Variants in IL2RA observed in about 807,000 individuals in gnomAD.
The protein encoded by IL2RA is interleukin-2 receptor subunit alpha.
Under a neutral mutation model 37.8 loss-of-function variants are expected in IL2RA, and 24 were observed. That is an observed-to-expected ratio of 0.63 (90% CI 0.46 to 0.89). The LOEUF (loss-of-function observed/expected upper bound fraction) is 0.89. Among genes scored for constraint, IL2RA ranks in the 40% least tolerant of loss-of-function variants. The probability of loss-of-function intolerance (pLI) is 0.00; values close to 1 mark genes in which losing one functional copy is unlikely to be tolerated. For synonymous variants in IL2RA, 125 were observed against 114.6 expected (o/e 1.09, Z -0.58); for missense variants, 319 against 348.6 (o/e 0.92, Z 0.68).
Position 6,019,909 on chromosome 10 carries a change from G to A in IL2RA, c.616C>T (p.Arg206Cys), listed in dbSNP as rs1438968487. The change falls in exon 5 of 8, where the codon CGT (arginine) becomes TGT (cysteine). Residue 206 changes from arginine to cysteine, a missense_variant. Coordinates refer to ENST00000379959, the MANE Select transcript of IL2RA (RefSeq NM_000417.3). ...EEKPQASPEG[R>C]PESETSCLVT... is the part of the protein sequence containing the mutation. The stretch of plus-strand genomic sequence containing the variant: ...AGGCAGGAAGTCTCACTCTCAGGAC[G>A]GCCTTCGGGGCTTGCCTGAGGCTTC... 17 of 1,614,022 alleles carry A rather than the reference G, an allele frequency of 1.1e-5. No homozygotes were observed. Among genetic ancestry groups the A allele is most frequent in the African/African-American group, 2.7e-5 (2 of 74,932 alleles).
intron 1 of IL2RA, among the ~76,000 whole-genome samples, chr10:6,032,369 G>C (rs1175200149): frequency 6.6e-6 from 1 of 152,162 alleles, no homozygotes; most frequent in Non-Finnish European, 1.5e-5. Context: ...AAAAAATTGA[G>C]AATGTCTACT....
rs749789593 is a variant in IL2RA at position 6,018,102 on chromosome 10, G to A, written c.745C>T (p.Leu249=). ...YQVAVAGCVF[L]LISVLLLSGL... ...CTCAGGAGGAGGACGCTGATCAGCA[G>A]GAAAACACAGCCGGCCACTGTCAAT... Residue 249 remains leucine (L), a synonymous_variant, in exon 7 of 8, where the codon CTG becomes TTG. Coordinates refer to ENST00000379959, the MANE Select transcript of IL2RA (RefSeq NM_000417.3). This position sits in a 1 kb window ranked among gnomAD's most constrained non-coding sequence, Gnocchi z 5.1. The A allele has an allele frequency of 6.2e-7, 1 of 1,613,882 alleles. No individual in the cohort carries two copies. Among genetic ancestry groups the A allele is most frequent in the East Asian group, 2.2e-5 (1 of 44,894 alleles).
chr10:6,024,633 ATGTT>A lies in IL2RA; in HGVS notation c.257-283_257-280del, dbSNP rs1251551516. Among the ~76,000 whole-genome samples, 8 of 152,060 alleles carry A rather than the reference ATGTT, an allele frequency of 5.3e-5. No individual in the cohort carries two copies. In the East Asian group the frequency reaches 1.4e-3, roughly 26 times the overall value. On this transcript the variant is annotated intron_variant, in intron 2 of 7. Coordinates refer to ENST00000379959, the MANE Select transcript of IL2RA (RefSeq NM_000417.3). Reference sequence around the variant, plus strand: ...TGTTACGTGTCTGTGTATGCCATGTATGTTACGTGTCTGTGTATGTCATGTATGT... The same window carrying A: ...TGTTACGTGTCTGTGTATGCCATGTAACGTGTCTGTGTATGTCATGTATGT...
rs1357573311 is a variant in IL2RA, at chr10:6,046,398, A to G, written c.64+15690T>C. The stretch of plus-strand genomic sequence containing the variant: ...GACAAACAGCATCATAAAAGTGTCA[A>G]ATCCGTGTGTTCACAGATGCTACCC... On this transcript the variant is annotated intron_variant, in intron 1 of 7. Coordinates refer to ENST00000379959, the MANE Select transcript of IL2RA (RefSeq NM_000417.3). This position sits in a 1 kb window ranked among gnomAD's most constrained non-coding sequence, Gnocchi z 4.8. Among the ~76,000 whole-genome samples the G allele has an allele frequency of 6.6e-6, 1 of 152,202 alleles. No individual in the cohort carries two copies. Among genetic ancestry groups the G allele is most frequent in the Non-Finnish European group, 1.5e-5 (1 of 68,046 alleles).
chr10:6,052,068 G>A (rs1839972136), intron 1 of IL2RA, among the ~76,000 whole-genome samples: 1 of 151,468 alleles, frequency 6.6e-6, no homozygotes, highest in Non-Finnish European at 1.5e-5. Context: ...GTTATTAAAG[G>A]AATTGAAATA....
Position 6,056,543 on chromosome 10 carries a change from G to A in IL2RA, c.64+5545C>T, listed in dbSNP as rs190544734. Reference sequence around the variant, plus strand: ...CATGCAGATGGATGGCTTGAGGCTCGGAGTTCAAGACCAGCCTACGCAACA... The same window carrying A: ...CATGCAGATGGATGGCTTGAGGCTCAGAGTTCAAGACCAGCCTACGCAACA... On this transcript the variant is annotated intron_variant, in intron 1 of 7. Transcript: ENST00000379959. The surrounding 1 kb of genome is among the most constrained non-coding windows in gnomAD (Gnocchi z 5.0). Among the ~76,000 whole-genome samples, 65 of 152,176 alleles carry A rather than the reference G, an allele frequency of 4.3e-4. No homozygotes were observed. The highest frequency in any genetic ancestry group is 1.5e-3 in the African/African-American group (62 of 41,498).
chr10:6,027,036 G>A (rs1839495353), intron 1 of IL2RA, among the ~76,000 whole-genome samples: 1 of 152,144 alleles, frequency 6.6e-6, no homozygotes, highest in South Asian at 2.1e-4. Flanking sequence ...ACTGAAGGTA[G>A]GGAGGCTGGG....
intron 1 of IL2RA, among the ~76,000 whole-genome samples, chr10:6,040,802 A>G (rs1280775277): frequency 1.3e-5 from 2 of 152,232 alleles, no homozygotes; most frequent in African/African-American, 4.8e-5. Flanking sequence ...AAGAGAAGAT[A>G]AAAATAATCA....
At chr10:6,032,428 C>T (rs1374013557) in intron 1 of IL2RA, among the ~76,000 whole-genome samples, 1 of 152,092 alleles carries the variant, frequency 6.6e-6, no homozygotes, top group Non-Finnish European at 1.5e-5. Flanking sequence ...TGTGGTGGCT[C>T]ACGCCTGTAA....
At position 6,028,006 on chromosome 10, in the gene IL2RA, A is replaced by G. The variant is rs1302277258; in HGVS notation, c.65-1981T>C. 6.6e-6 allele frequency among the ~76,000 whole-genome samples: 1 copy of G among 152,190 alleles called. No homozygotes were observed. The highest frequency in any genetic ancestry group is 2.4e-5 in the African/African-American group (1 of 41,438). ...ACGTTTCTGCTGAAACAGCTGTAAA[A>G]CCAGTCCAAATGTATACAGCAAGTG... On this transcript the variant is annotated intron_variant, in intron 1 of 7. Coordinates refer to ENST00000379959, the MANE Select transcript of IL2RA (RefSeq NM_000417.3). The surrounding 1 kb of genome is among the most constrained non-coding windows in gnomAD (Gnocchi z 4.1).
intron 1 of IL2RA, among the ~76,000 whole-genome samples, chr10:6,061,327 A>G (rs1245463426): frequency 2.0e-5 from 3 of 152,170 alleles, no homozygotes; most frequent in Non-Finnish European, 4.4e-5. Context: ...CGAAGGTTGC[A>G]GTAAGCCAAT....
Position 6,044,868 on chromosome 10 carries a change from G to T in IL2RA, c.64+17220C>A, listed in dbSNP as rs114588906. ...GGCCATGGTAGGTTCTGAATGAGTAGTTGAGTGTATTAGCATTAGCACTGG... is the reference window on the plus strand; with the variant it reads ...GGCCATGGTAGGTTCTGAATGAGTATTTGAGTGTATTAGCATTAGCACTGG... On this transcript the variant is annotated intron_variant, in intron 1 of 7. Coordinates refer to ENST00000379959, the MANE Select transcript of IL2RA (RefSeq NM_000417.3). This position sits in a 1 kb window ranked among gnomAD's most constrained non-coding sequence, Gnocchi z 4.5. 3.8e-4 allele frequency among the ~76,000 whole-genome samples: 58 copies of T among 152,358 alleles called. No homozygotes were observed. Among genetic ancestry groups the T allele is most frequent in the African/African-American group, 1.4e-3 (58 of 41,582 alleles).
intron 1 of IL2RA, among the ~76,000 whole-genome samples, chr10:6,026,813 G>A (rs1306812461): frequency 1.3e-5 from 2 of 152,224 alleles, no homozygotes; most frequent in African/African-American, 4.8e-5. Context: ...GAAGAGGCAG[G>A]AAAGCAGGAG....
At chr10:6,017,908 C>T (rs918267104) in intron 7 of IL2RA, 145 bp downstream of exon 7, 23 of 717,770 alleles carry the variant, frequency 3.2e-5, no homozygotes, top group African/African-American at 1.8e-4. Context: ...TGACTCTTTC[C>T]GAGGCATGGA....
Position 6,056,489 on chromosome 10 carries a change from T to C in IL2RA, c.64+5599A>G, listed in dbSNP as rs1332340395. Among the ~76,000 whole-genome samples the C allele has an allele frequency of 6.6e-6, 1 of 152,182 alleles. No individual in the cohort carries two copies. Among genetic ancestry groups the C allele is most frequent in the African/African-American group, 2.4e-5 (1 of 41,452 alleles). On this transcript the variant is annotated intron_variant, in intron 1 of 7. Coordinates refer to ENST00000379959, the MANE Select transcript of IL2RA (RefSeq NM_000417.3). This position sits in a 1 kb window ranked among gnomAD's most constrained non-coding sequence, Gnocchi z 5.0. Reference sequence around the variant, plus strand: ...CTTTTCAGCTGGGCACAGTGGCTCATGCCTGTAATCCCAGCACTTTGGAAG... The same window carrying C: ...CTTTTCAGCTGGGCACAGTGGCTCACGCCTGTAATCCCAGCACTTTGGAAG...
intron 1 of IL2RA, among the ~76,000 whole-genome samples, chr10:6,031,470 A>ATG (rs1564545906): frequency 0.018 from 467 of 25,382 alleles, 12 homozygotes; most frequent in African/African-American, 0.074. Flanking sequence ...ATATATATAT[A>ATG]TATATATATA....
chr10:6,060,149 G>C (rs533140274), intron 1 of IL2RA, among the ~76,000 whole-genome samples: 1 of 152,244 alleles, frequency 6.6e-6, no homozygotes, highest in African/African-American at 2.4e-5. Context: ...TCCTGTTCTT[G>C]GCTTAGACTG....
Position 6,024,441 on chromosome 10 carries a change from C to T in IL2RA, c.257-87G>A. The T allele has an allele frequency of 3.0e-6, 3 of 1,005,930 alleles. No homozygotes were observed. In the South Asian group the frequency reaches 4.0e-5, roughly 13 times the overall value. 62.3% of individuals were successfully genotyped at this position (1,005,930 alleles called of 1,614,324 possible). On this transcript the variant is annotated intron_variant, in intron 2 of 7. Transcript: ENST00000379959. ...CATGTATTCATTCACTTGAGAAGCACACCTGTCCAGGGCCCACGATGTGTC... is the reference window on the plus strand; with the variant it reads ...CATGTATTCATTCACTTGAGAAGCATACCTGTCCAGGGCCCACGATGTGTC...
rs934683148 is a variant in IL2RA, at chr10:6,019,902, T to C, written c.623A>G (p.Glu208Gly). 3.1e-6 allele frequency: 5 copies of C among 1,614,064 alleles called. No individual in the cohort carries two copies. The Admixed American group carries it at 5.0e-5, about 16-fold the overall frequency. ...KPQASPEGRP[E>G]SETSCLVTTT... ...TGTGACGAGGCAGGAAGTCTCACTC[T>C]CAGGACGGCCTTCGGGGCTTGCCTG... The change falls in exon 5 of 8, where the codon GAG (glutamate) becomes GGG (glycine). Residue 208 changes from glutamate to glycine, a missense_variant. Glu to Gly is a moderately conservative substitution (Grantham distance 98, BLOSUM62 -2). Coordinates refer to ENST00000379959, the MANE Select transcript of IL2RA (RefSeq NM_000417.3).
Sources: allele counts gnomAD v4.1 joint callset (sites outside exome capture counted in the v4.1 genomes callset), GRCh38; gene constraint gnomAD v4.1.1; non-coding constraint Gnocchi (gnomAD v3.1); transcripts MANE v1.5; gene names NCBI Gene and HGNC (gene_info 2026-07-23, HGNC 2026-07-21).